The following SOX6 variants were observed in gnomAD, a reference collection of about 807,000 sequenced individuals.
SOX6 encodes SRY-box transcription factor 6, also known as transcription factor SOX-6.
A neutral mutation model predicts 97.8 loss-of-function variants in SOX6; 11 were observed. The ratio of observed to expected loss-of-function variants is 0.11; its 90% confidence interval spans 0.07 to 0.19. SOX6 has a LOEUF of 0.19. Ranked by LOEUF, SOX6 falls within the 10% of genes least tolerant of loss-of-function variation. The pLI, the probability that SOX6 is intolerant of heterozygous loss-of-function variation, is 1.00. For synonymous variants in SOX6, 360 were observed against 371.4 expected, an observed-to-expected ratio of 0.97 and a Z score of 0.35; for missense variants, 810 against 1,039.5, an observed-to-expected ratio of 0.78 and a Z score of 3.04.
intron 6 of SOX6, among the ~76,000 whole-genome samples, chr11:16,170,150 T>C (rs1250859950): frequency 6.6e-6 from 1 of 152,000 alleles, no homozygotes; most frequent in Admixed American, 6.6e-5. Flanking sequence ...CAGAGACACA[T>C]GCCTGTCAAG....
At chr11:16,013,909 T>C (rs1455073686) in intron 13 of SOX6, among the ~76,000 whole-genome samples, 1 of 151,970 alleles carries the variant, frequency 6.6e-6, no homozygotes, top group African/African-American at 2.4e-5. Flanking sequence ...TTCATGTGTT[T>C]TCGAGGGATT....
At chr11:16,249,609 T>C (rs1452836797) in intron 3 of SOX6, among the ~76,000 whole-genome samples, 4 of 152,194 alleles carry the variant, frequency 2.6e-5, no homozygotes, top group African/African-American at 9.7e-5. Context: ...GGTATCTTTG[T>C]AGCAGCACAA....
chr11:16,288,318 T>C (rs1186619856), intron 3 of SOX6, among the ~76,000 whole-genome samples: 2 of 152,090 alleles, frequency 1.3e-5, no homozygotes, highest in Non-Finnish European at 2.9e-5. Context: ...CTAAATACTT[T>C]ATTCAACTTC....
chr11:16,297,756 T>C (rs1855140418), intron 3 of SOX6, among the ~76,000 whole-genome samples: 1 of 152,308 alleles, frequency 6.6e-6, no homozygotes, highest in East Asian at 1.9e-4. Context: ...GAATCAAAGT[T>C]GGACAGAATA....
intron 3 of SOX6, among the ~76,000 whole-genome samples, chr11:16,640,801 T>C (rs992227116): frequency 6.6e-6 from 1 of 152,216 alleles, no homozygotes; most frequent in Admixed American, 6.5e-5. Context: ...TCTTCTCTCT[T>C]TTCTTCTTTA....
intron 4 of SOX6, among the ~76,000 whole-genome samples, chr11:16,504,559 C>T: frequency 7.4e-6 from 1 of 134,528 alleles, no homozygotes; most frequent in East Asian, 2.3e-4. Context: ...AACTGTAAAC[C>T]ACTGATGGAA....
intron 4 of SOX6, among the ~76,000 whole-genome samples, chr11:16,553,918 C>T (rs1301431740): frequency 1.3e-5 from 2 of 151,966 alleles, no homozygotes; most frequent in Admixed American, 6.6e-5. Flanking sequence ...CAGTGAATGA[C>T]CTTGATTCTT....
intron 3 of SOX6, among the ~76,000 whole-genome samples, chr11:16,261,616 A>G (rs951402696): frequency 1.3e-5 from 2 of 150,688 alleles, no homozygotes; most frequent in African/African-American, 4.8e-5. Flanking sequence ...TTTTCTTAAT[A>G]ATGGGAGTCT....
chr11:16,448,678 GTCAACC>G (rs1187088261), intron 1 of SOX6, among the ~76,000 whole-genome samples: 1 of 151,896 alleles, frequency 6.6e-6, no homozygotes, highest in Non-Finnish European at 1.5e-5. Context: ...TTAATTTGTG[GTCAACC>G]TCAGCTACTT....
In SOX6 at chr11:16,736,882, C is replaced by T. The variant is rs934176784; in HGVS notation, n.220-410G>A. 3.9e-5 allele frequency among the ~76,000 whole-genome samples: 6 copies of T among 152,214 alleles called. No homozygotes were observed. In the East Asian group the frequency reaches 9.6e-4, roughly 24 times the overall value. Reference sequence around the variant, plus strand: ...CTCCTCCTTTATGATTTATTCTTACCACAGAACCATTAAGATGTTCTTTGT... The same window carrying T: ...CTCCTCCTTTATGATTTATTCTTACTACAGAACCATTAAGATGTTCTTTGT... On this transcript the variant is annotated intron_variant and non_coding_transcript_variant, in intron 1 of 5. Transcript: ENST00000524520.
At chr11:16,172,124 A>G (rs1283795675) in intron 6 of SOX6, among the ~76,000 whole-genome samples, 2 of 151,856 alleles carry the variant, frequency 1.3e-5, no homozygotes, top group East Asian at 3.9e-4. Context: ...TAGCCACTTA[A>G]CACATCTCTT....
intron 3 of SOX6, among the ~76,000 whole-genome samples, chr11:16,268,196 T>C (rs1446827907): frequency 6.6e-6 from 1 of 151,330 alleles, no homozygotes; most frequent in Non-Finnish European, 1.5e-5. Flanking sequence ...AAATCACGAA[T>C]GTTTTTGTCA....
At chr11:16,255,657 C>T (rs1009015711) in intron 3 of SOX6, among the ~76,000 whole-genome samples, 1 of 151,844 alleles carries the variant, frequency 6.6e-6, no homozygotes, top group African/African-American at 2.4e-5. Context: ...GCTGAGCCTC[C>T]ACTTTAGAAA....
intron 2 of SOX6, among the ~76,000 whole-genome samples, chr11:16,325,995 G>A (rs1348878506): frequency 2.0e-5 from 3 of 152,114 alleles, no homozygotes; most frequent in African/African-American, 7.2e-5. Flanking sequence ...AAACCTGCTG[G>A]TGCCTTGATC....
chr11:16,444,239 T>A lies in SOX6; in HGVS notation c.-5+32076A>T, dbSNP rs566433130. Among the ~76,000 whole-genome samples, 50 of 152,198 alleles carry A rather than the reference T, an allele frequency of 3.3e-4. 1 individual carries two copies. The highest frequency in any genetic ancestry group is 7.9e-4 in the Admixed American group (12 of 15,278). ...CAAATTATACGAATGTGTTAAAAAA[T>A]GGTTTATGTCTGTGGTTCTGCCAAC... On this transcript the variant is annotated intron_variant, in intron 1 of 15. Coordinates refer to the SOX6 transcript ENST00000396356.
At chr11:16,034,759 C>T (rs1445682721) in intron 12 of SOX6, among the ~76,000 whole-genome samples, 5 of 152,114 alleles carry the variant, frequency 3.3e-5, no homozygotes, top group Non-Finnish European at 7.4e-5. Flanking sequence ...ACACCCAGGT[C>T]AACTGACACA....
upstream of SOX6, among the ~76,000 whole-genome samples, chr11:16,361,357 TA>T (rs1228811804): frequency 2.6e-5 from 4 of 151,858 alleles, no homozygotes; most frequent in African/African-American, 4.8e-5. Flanking sequence ...TCTCACGTCT[TA>T]AAAAAAATTG....
rs1200015806 is a variant in SOX6 at position 16,379,593 on chromosome 11, T to C, written c.-4-38341A>G. 2.6e-5 allele frequency among the ~76,000 whole-genome samples: 4 copies of C among 152,126 alleles called. No individual in the cohort carries two copies. The East Asian group carries it at 7.7e-4, about 29-fold the overall frequency. On this transcript the variant is annotated intron_variant, in intron 1 of 15. Coordinates refer to the SOX6 transcript ENST00000396356. ...GTCATATTGACAATGGTTAAAAAAA[T>C]AATAATAATGTGTCAGAGTGGATGA... is the stretch of plus-strand genomic sequence containing the variant.
chr11:16,380,718 T>C (rs1426802990), intron 1 of SOX6, among the ~76,000 whole-genome samples: 1 of 152,130 alleles, frequency 6.6e-6, no homozygotes, highest in Non-Finnish European at 1.5e-5. Flanking sequence ...TATATCAAGT[T>C]GCAAATGAGA....
Sources: allele counts gnomAD v4.1 joint callset (sites outside exome capture counted in the v4.1 genomes callset), GRCh38; gene constraint gnomAD v4.1.1; transcripts MANE v1.5; gene names NCBI Gene and HGNC (gene_info 2026-07-23, HGNC 2026-07-21).